Variants in SLC9B2 observed in about 807,000 individuals in gnomAD.
The protein encoded by SLC9B2 is sodium/hydrogen exchanger 9B2.
In SLC9B2, 39 loss-of-function variants were observed where a neutral mutation model predicts 52.2. The ratio of observed to expected loss-of-function variants is 0.75; its 90% confidence interval spans 0.58 to 0.98. The LOEUF is 0.98. Among genes scored for constraint, SLC9B2 ranks in the 50% least tolerant of loss-of-function variants. SLC9B2 has a pLI of 0.00. For missense variants in SLC9B2, 626 were observed against 637.5 expected (o/e 0.98, Z 0.19); for synonymous variants, 214 against 227.0 (o/e 0.94, Z 0.51).
chr4:103,062,082 C>T (rs993918659), intron 3 of SLC9B2, among the ~76,000 whole-genome samples: 3 of 152,192 alleles, frequency 2.0e-5, no homozygotes, highest in Non-Finnish European at 4.4e-5. Flanking sequence ...TTTATCATAG[C>T]ATAAACCCAA....
intron 1 of SLC9B2, among the ~76,000 whole-genome samples, chr4:103,072,056 G>GATTTTTTTTTTTTTTT (rs1746686766): frequency 1.0e-5 from 1 of 95,306 alleles, no homozygotes; most frequent in African/African-American, 4.6e-5. Context: ...TGGCTTTCAT[G>GATTTTTTTTTTTTTTT]TTTTTTTTTT....
At chr4:103,028,391 T>G (rs1742409465) in intron 11 of SLC9B2, among the ~76,000 whole-genome samples, 2 of 152,250 alleles carry the variant, frequency 1.3e-5, no homozygotes, top group African/African-American at 2.4e-5. Flanking sequence ...TCTATTTTAC[T>G]CTCTTCTTGG....
chr4:103,046,678 T>G (rs1055896840), intron 7 of SLC9B2, among the ~76,000 whole-genome samples: 1 of 149,398 alleles, frequency 6.7e-6, no homozygotes, highest in Non-Finnish European at 1.5e-5. Flanking sequence ...CACACATCTT[T>G]TGTGTGAAGT....
intron 9 of SLC9B2, chr4:103,042,450 A>G (rs1230212697): frequency 6.6e-6 from 1 of 152,066 alleles, no homozygotes; most frequent in Non-Finnish European, 1.5e-5. Context: ...TATAAACCAA[A>G]TGAATATTCT....
At chr4:103,071,567 C>T (rs759170981) in intron 1 of SLC9B2, among the ~76,000 whole-genome samples, 3 of 151,948 alleles carry the variant, frequency 2.0e-5, no homozygotes, top group African/African-American at 4.8e-5. Context: ...TTAGTAGAGA[C>T]GGGGTTTCAC....
chr4:103,057,816 G>A lies in SLC9B2; in HGVS notation c.427C>T (p.Leu143=). ...GLIKLPTLPP[L]PSLLGMLLAG... is the part of the protein sequence containing the mutation. ...TAGCACTTACCAAGAAGAGAAGGCA[G>A]TGGAGGCAATGTAGGTAACTTAATA... is the stretch of plus-strand genomic sequence containing the variant. Residue 143 remains leucine (L), a synonymous_variant, in exon 4 of 12, where the codon CTG becomes TTG. Transcript: ENST00000394785. 1 of 1,613,782 alleles carries A rather than the reference G, an allele frequency of 6.2e-7. No homozygotes were observed. The highest frequency in any genetic ancestry group is 1.3e-5 in the African/African-American group (1 of 75,022).
In SLC9B2 at chr4:103,048,979, C is replaced by G. The variant is rs1241203621; in HGVS notation, c.627G>C (p.Met209Ile). ...TGCACGCCTCCACAATACAGGGACC[C>G]ATGGACAGTCTTACACAAACGCCCT... ...KLKGVCVRLS[M>I]GPCIVEACTS... The change falls in exon 6 of 12, where the codon ATG (methionine) becomes ATC (isoleucine). Residue 209 changes from methionine to isoleucine, a missense_variant. By Grantham distance (10) the Met-to-Ile change is conservative. Coordinates refer to ENST00000394785, the MANE Select transcript of SLC9B2 (RefSeq NM_178833.7). The G allele has an allele frequency of 6.8e-6, 11 of 1,613,802 alleles. No homozygotes were observed. The highest frequency in any genetic ancestry group is 9.3e-6 in the Non-Finnish European group (11 of 1,179,892).
At chr4:103,035,778 T>C (rs750060816) in intron 9 of SLC9B2, among the ~76,000 whole-genome samples, 5 of 152,164 alleles carry the variant, frequency 3.3e-5, no homozygotes, top group Non-Finnish European at 7.3e-5. Context: ...ACTGGTTATA[T>C]ACCCAAAGGA....
At chr4:103,033,772 C>A (rs1742909944) in intron 9 of SLC9B2, among the ~76,000 whole-genome samples, 1 of 151,992 alleles carries the variant, frequency 6.6e-6, no homozygotes, top group Non-Finnish European at 1.5e-5. Context: ...AAAATCTCTA[C>A]AATGAGAATT....
chr4:103,075,578 G>C (rs930228955), intron 1 of SLC9B2, among the ~76,000 whole-genome samples: 8 of 152,278 alleles, frequency 5.3e-5, no homozygotes, highest in Admixed American at 4.6e-4. Flanking sequence ...AGGTCAGTGT[G>C]GCATGTGACT....
chr4:103,072,056 G>GTTTTTTTTTGT (rs1746690083), intron 1 of SLC9B2, among the ~76,000 whole-genome samples: 1 of 95,306 alleles, frequency 1.0e-5, no homozygotes, highest in Non-Finnish European at 1.9e-5. Flanking sequence ...TGGCTTTCAT[G>GTTTTTTTTTGT]TTTTTTTTTT....
intron 9 of SLC9B2, among the ~76,000 whole-genome samples, chr4:103,042,883 G>A (rs923842547): frequency 1.3e-5 from 2 of 149,782 alleles, no homozygotes. Context: ...CGTTTAATTG[G>A]CACTATTTTT....
At chr4:103,036,165 C>T (rs1296165117) in intron 9 of SLC9B2, among the ~76,000 whole-genome samples, 2 of 151,912 alleles carry the variant, frequency 1.3e-5, no homozygotes, top group Non-Finnish European at 2.9e-5. Context: ...ATACCATGTA[C>T]ATATATACCA....
intron 1 of SLC9B2, among the ~76,000 whole-genome samples, chr4:103,075,131 T>A (rs1304659252): frequency 6.6e-6 from 1 of 152,096 alleles, no homozygotes; most frequent in Non-Finnish European, 1.5e-5. Context: ...AACAACCCCA[T>A]CCCTTAACAA....
intron 10 of SLC9B2, 44 bp downstream of exon 10, chr4:103,031,656 C>CA: frequency 2.6e-6 from 4 of 1,531,400 alleles, no homozygotes; most frequent in Non-Finnish European, 3.6e-6. Flanking sequence ...GTAGGCTGAC[C>CA]AAAAAAAGTG....
chr4:103,056,826 A>T (rs1745170609), intron 4 of SLC9B2, among the ~76,000 whole-genome samples: 1 of 152,238 alleles, frequency 6.6e-6, no homozygotes, highest in South Asian at 2.1e-4. Context: ...CAGACTACAA[A>T]TAAATGGTTG....
In SLC9B2 at chr4:103,025,462, A is replaced by T. The variant is rs72943512; in HGVS notation, c.*908T>A. On this transcript the variant is annotated 3_prime_UTR_variant, in exon 12 of 12. Transcript: ENST00000394785. ...CTGAGCAGACCTCATAAGCAGAGTAACCCTGTTGGTATTAACGAACCAGCC... is the reference window on the plus strand; with the variant it reads ...CTGAGCAGACCTCATAAGCAGAGTATCCCTGTTGGTATTAACGAACCAGCC... 6.6e-6 allele frequency: 1 copy of T among 152,294 alleles called. No homozygotes were observed. The highest frequency in any genetic ancestry group is 2.4e-5 in the African/African-American group (1 of 41,558). 9.4% of individuals were successfully genotyped at this position (152,294 alleles called of 1,614,324 possible). A position where few individuals can be genotyped will look rare whatever the true frequency, so the allele number is the denominator to read the frequency against.
chr4:103,034,676 C>CG (rs1743006851), intron 9 of SLC9B2, among the ~76,000 whole-genome samples: 1 of 152,150 alleles, frequency 6.6e-6, no homozygotes, highest in South Asian at 2.1e-4. Flanking sequence ...AGGACACATA[C>CG]ATGTAGCCAA....
At chr4:103,039,288 T>C (rs895987500) in intron 9 of SLC9B2, among the ~76,000 whole-genome samples, 1 of 152,224 alleles carries the variant, frequency 6.6e-6, no homozygotes, top group African/African-American at 2.4e-5. Flanking sequence ...ATGTGTTCTA[T>C]GATTAATAAC....
Sources: gnomAD v4.1 joint callset for allele counts (sites outside exome capture counted in the v4.1 genomes callset) on GRCh38, gnomAD v4.1.1 for gene constraint, MANE v1.5 for transcripts, NCBI Gene and HGNC (gene_info 2026-07-23, HGNC 2026-07-21) for gene names.